Variants in LMBRD1 observed in about 807,000 individuals in gnomAD.
LMBRD1 encodes the protein lysosomal cobalamin transport escort protein LMBD1.
Under a neutral mutation model 74.8 loss-of-function variants are expected in LMBRD1, and 64 were observed. The ratio of observed to expected loss-of-function variants is 0.86; its 90% CI spans 0.70 to 1.05. The LOEUF (loss-of-function observed/expected upper bound fraction) is 1.05, where lower values mean the gene tolerates loss of function less well. LMBRD1 is among the 50% of genes least tolerant of loss of function. LMBRD1 has a pLI of 0.00. For synonymous variants in LMBRD1, 204 were observed against 216.3 expected, an observed-to-expected ratio of 0.94 and a Z score of 0.50; for missense variants, 652 against 645.9, an observed-to-expected ratio of 1.01 and a Z score of -0.10.
chr6:69,753,556 A>G (rs1765208878), intron 3 of LMBRD1, among the ~76,000 whole-genome samples: 1 of 152,248 alleles, frequency 6.6e-6, no homozygotes, highest in South Asian at 2.1e-4. Context: ...AAATGGCATT[A>G]CATATGATCC....
chr6:69,789,369 A>G (rs552498851), intron 2 of LMBRD1, among the ~76,000 whole-genome samples: 1 of 152,138 alleles, frequency 6.6e-6, no homozygotes, highest in Admixed American at 6.5e-5. Flanking sequence ...CTAAAAATAC[A>G]AAAAGAACTA....
At chr6:69,784,688 C>T (rs1369782381) in intron 2 of LMBRD1, among the ~76,000 whole-genome samples, 1 of 152,176 alleles carries the variant, frequency 6.6e-6, no homozygotes, top group African/African-American at 2.4e-5. Flanking sequence ...ACTCAACTTA[C>T]TATTAAATCT....
At chr6:69,764,141 T>C (rs536317981) in intron 3 of LMBRD1, among the ~76,000 whole-genome samples, 1 of 152,298 alleles carries the variant, frequency 6.6e-6, no homozygotes, top group South Asian at 2.1e-4. Context: ...GAGTGGAATG[T>C]TATGCAGTAA....
intron 3 of LMBRD1, among the ~76,000 whole-genome samples, chr6:69,776,386 G>T (rs1356142973): frequency 6.6e-6 from 1 of 152,166 alleles, no homozygotes; most frequent in Admixed American, 6.5e-5. Context: ...TGGAAAACTA[G>T]CATCTAAACT....
At chr6:69,787,362 A>C (rs969250809) in intron 2 of LMBRD1, among the ~76,000 whole-genome samples, 1 of 152,202 alleles carries the variant, frequency 6.6e-6, no homozygotes, top group Non-Finnish European at 1.5e-5. Flanking sequence ...GACACACAGA[A>C]TGTTTCAAGG....
At chr6:69,755,435 G>T (rs1765247735) in intron 3 of LMBRD1, among the ~76,000 whole-genome samples, 1 of 151,922 alleles carries the variant, frequency 6.6e-6, no homozygotes, top group Admixed American at 6.6e-5. Flanking sequence ...CTGTCAGGGG[G>T]TTGGGTCAAG....
intron 3 of LMBRD1, among the ~76,000 whole-genome samples, chr6:69,768,299 T>C (rs1054098589): frequency 1.3e-5 from 2 of 151,926 alleles, no homozygotes; most frequent in African/African-American, 4.8e-5. Flanking sequence ...AGTTTCTACA[T>C]TACCAATTCC....
At chr6:69,777,650 C>G (rs1295736226) in intron 3 of LMBRD1, among the ~76,000 whole-genome samples, 3 of 149,754 alleles carry the variant, frequency 2.0e-5, no homozygotes, top group Non-Finnish European at 4.4e-5. Flanking sequence ...CTCTCCACAT[C>G]AATATCTTCA....
intron 1 of LMBRD1, among the ~76,000 whole-genome samples, chr6:69,794,579 T>G (rs137957288): frequency 1.3e-5 from 2 of 152,340 alleles, no homozygotes; most frequent in African/African-American, 4.8e-5. Flanking sequence ...ACAAAGGGAA[T>G]CTATCACTTA....
In LMBRD1 at chr6:69,676,211, C is replaced by T. The variant is rs749957208; in HGVS notation, c.1570G>A (p.Val524Ile). The T allele has an allele frequency of 6.2e-7, 1 of 1,613,454 alleles. No individual in the cohort carries two copies. Among genetic ancestry groups the T allele is most frequent in the South Asian group, 1.1e-5 (1 of 91,072 alleles). ...CKGKKSVIEG[V>I]DEDSDISDDE... ...TCACTTATGTCTGAATCTTCATCTA[C>T]TCCTTCAATAACCGATTTCTTCCCT... is the stretch of plus-strand genomic sequence containing the variant. The change falls in exon 16 of 16, where the codon GTA (valine) becomes ATA (isoleucine). Residue 524 changes from valine to isoleucine, a missense_variant. Val to Ile is a conservative substitution (Grantham distance 29). Coordinates refer to ENST00000649934, the MANE Select transcript of LMBRD1 (RefSeq NM_018368.4).
intron 3 of LMBRD1, among the ~76,000 whole-genome samples, chr6:69,779,820 T>C (rs1186699881): frequency 6.6e-6 from 1 of 152,238 alleles, no homozygotes; most frequent in African/African-American, 2.4e-5. Flanking sequence ...ATTAAAAGTT[T>C]ATATGTAGCT....
intron 14 of LMBRD1, among the ~76,000 whole-genome samples, chr6:69,684,787 C>T (rs775285276): frequency 3.9e-5 from 6 of 151,986 alleles, no homozygotes; most frequent in Admixed American, 6.6e-5. Context: ...CAAATAAAAA[C>T]AGGAAATCAG....
chr6:69,714,788 CT>C (rs1766455391), intron 8 of LMBRD1, among the ~76,000 whole-genome samples: 2 of 152,124 alleles, frequency 1.3e-5, no homozygotes, highest in Admixed American at 1.3e-4. Flanking sequence ...ACAACAATCT[CT>C]TTACATATCG....
chr6:69,694,908 C>T (rs1242629450), intron 14 of LMBRD1, among the ~76,000 whole-genome samples: 2 of 152,134 alleles, frequency 1.3e-5, no homozygotes, highest in African/African-American at 4.8e-5. Flanking sequence ...AAAGCTTTTG[C>T]TACTTTCATC....
At chr6:69,739,883 G>A (rs745661424) in intron 6 of LMBRD1, among the ~76,000 whole-genome samples, 20 of 152,146 alleles carry the variant, frequency 1.3e-4, no homozygotes, top group Non-Finnish European at 1.9e-4. Flanking sequence ...CAAGGTGGGC[G>A]GATCACAAGG....
chr6:69,707,842 A>C (rs1766295220), intron 9 of LMBRD1, among the ~76,000 whole-genome samples: 1 of 152,160 alleles, frequency 6.6e-6, no homozygotes, highest in Non-Finnish European at 1.5e-5. Context: ...ATTACCGTTT[A>C]ATAAATACAT....
At chr6:69,740,663 C>A (rs1301640608) in intron 6 of LMBRD1, among the ~76,000 whole-genome samples, 1 of 152,034 alleles carries the variant, frequency 6.6e-6, no homozygotes, top group Non-Finnish European at 1.5e-5. Context: ...ATTTAATCAT[C>A]GTTTAGTATT....
At chr6:69,697,458 C>A in intron 14 of LMBRD1, 105 bp downstream of exon 14, 1 of 806,810 alleles carries the variant, frequency 1.2e-6, no homozygotes, top group Non-Finnish European at 2.2e-6. Context: ...TAAAAGTTTC[C>A]TTCTTACCAC....
chr6:69,741,915 G>C, intron 5 of LMBRD1, 38 bp from the exon 6 acceptor site: 3 of 1,160,920 alleles, frequency 2.6e-6, no homozygotes, highest in Non-Finnish European at 3.8e-6. Flanking sequence ...TAGCTTTAAA[G>C]ATAAAAAGTT....
Sources: gnomAD v4.1 joint callset for allele counts (sites outside exome capture counted in the v4.1 genomes callset) on GRCh38, gnomAD v4.1.1 for gene constraint, MANE v1.5 for transcripts, NCBI Gene and HGNC (gene_info 2026-07-23, HGNC 2026-07-21) for gene names.